CDH13: variants seen among roughly 807,000 people sequenced by gnomAD.
The protein encoded by CDH13 is cadherin 13.
Under a neutral mutation model 63.8 loss-of-function variants are expected in CDH13, and 24 were observed. That is an observed-to-expected ratio of 0.38 (90% CI 0.27 to 0.53). The LOEUF is 0.53. CDH13 is among the 20% of genes least tolerant of loss of function. The pLI, the probability that CDH13 is intolerant of heterozygous loss-of-function variation, is 0.85. For missense variants in CDH13, 1,049 were observed against 903.1 expected (o/e 1.16, Z -2.07); for synonymous variants, 503 against 355.3 (o/e 1.42, Z -4.67).
chr16:82,745,876 G>C (rs2034140354), intron 1 of CDH13, among the ~76,000 whole-genome samples: 1 of 152,112 alleles, frequency 6.6e-6, no homozygotes, highest in Non-Finnish European at 1.5e-5. Flanking sequence ...TTTACTTCCA[G>C]AAAATAATTT....
At chr16:83,259,189 T>C (rs66815080) in intron 5 of CDH13, among the ~76,000 whole-genome samples, 16,437 of 152,158 alleles carry the variant, frequency 0.11, 965 homozygotes, top group Non-Finnish European at 0.11. Flanking sequence ...GTAAGATTGA[T>C]ATAAACCTTA....
intron 5 of CDH13, among the ~76,000 whole-genome samples, chr16:83,295,235 G>A (rs1376142332): frequency 1.3e-5 from 2 of 152,074 alleles, no homozygotes; most frequent in Non-Finnish European, 2.9e-5. Flanking sequence ...AACTCAAAAT[G>A]AAATAAAGAT....
At chr16:82,917,182 G>T (rs906752216) in intron 2 of CDH13, among the ~76,000 whole-genome samples, 1 of 152,174 alleles carries the variant, frequency 6.6e-6, no homozygotes, top group African/African-American at 2.4e-5. Flanking sequence ...TAAGAGAGAA[G>T]AAAGGACCGC....
chr16:83,433,089 A>G (rs2072176213), intron 6 of CDH13, among the ~76,000 whole-genome samples: 1 of 152,184 alleles, frequency 6.6e-6, no homozygotes, highest in South Asian at 2.1e-4. Context: ...TGAGAGGCAC[A>G]GAGAAGCCAT....
intron 3 of CDH13, among the ~76,000 whole-genome samples, chr16:83,070,079 C>G (rs556308694): frequency 6.6e-6 from 1 of 152,084 alleles, no homozygotes; most frequent in African/African-American, 2.4e-5. Flanking sequence ...ATTGTTTTCA[C>G]CTAAAATATC....
At chr16:83,283,996 A>G (rs998298399) in intron 5 of CDH13, among the ~76,000 whole-genome samples, 1 of 152,216 alleles carries the variant, frequency 6.6e-6, no homozygotes, top group Admixed American at 6.5e-5. Context: ...ATGAGGATAG[A>G]CATGTATCTT....
At chr16:83,602,340 C>G in intron 7 of CDH13, 114 bp from the exon 8 acceptor site, 1 of 989,162 alleles carries the variant, frequency 1.0e-6, no homozygotes, top group Non-Finnish European at 1.6e-6. Context: ...TTTAAAGATG[C>G]CTACCCTAGA....
chr16:83,098,252 G>C (rs9922974), intron 3 of CDH13, among the ~76,000 whole-genome samples: 1 of 152,088 alleles, frequency 6.6e-6, no homozygotes, highest in Non-Finnish European at 1.5e-5. Context: ...TTCATATATG[G>C]TATAAGAACC....
At chr16:83,327,190 G>A (rs537482268) in intron 5 of CDH13, among the ~76,000 whole-genome samples, 1 of 152,174 alleles carries the variant, frequency 6.6e-6, no homozygotes, top group Non-Finnish European at 1.5e-5. Context: ...ATGCTTATTA[G>A]TAATACACGT....
At chr16:83,374,695 T>C (rs2091430358) in intron 6 of CDH13, among the ~76,000 whole-genome samples, 1 of 152,230 alleles carries the variant, frequency 6.6e-6, no homozygotes, top group African/African-American at 2.4e-5. Context: ...TAGCATTTGT[T>C]ATTATGAAAG....
intron 2 of CDH13, among the ~76,000 whole-genome samples, chr16:82,948,244 C>T: frequency 6.6e-6 from 1 of 152,082 alleles, no homozygotes; most frequent in Non-Finnish European, 1.5e-5. Context: ...AATTTTTAAG[C>T]CACAAGGTTG....
chr16:82,658,614 C>T (rs1911571916), intron 1 of CDH13, among the ~76,000 whole-genome samples: 1 of 152,168 alleles, frequency 6.6e-6, no homozygotes, highest in Admixed American at 6.5e-5. Flanking sequence ...GTTTTCACAT[C>T]TGTAAAATTA....
chr16:83,165,372 C>T (rs758674060), intron 4 of CDH13, among the ~76,000 whole-genome samples: 2 of 152,146 alleles, frequency 1.3e-5, no homozygotes, highest in Non-Finnish European at 2.9e-5. Context: ...TTTGTTGTAG[C>T]AAGAGGCTGG....
At chr16:82,770,744 G>C (rs1336528713) in intron 1 of CDH13, among the ~76,000 whole-genome samples, 1 of 152,118 alleles carries the variant, frequency 6.6e-6, no homozygotes, top group Admixed American at 6.6e-5. Context: ...GTCTCAGTCT[G>C]TTGCCCAAGC....
chr16:83,078,479 C>T (rs2033010319), intron 3 of CDH13, among the ~76,000 whole-genome samples: 1 of 152,198 alleles, frequency 6.6e-6, no homozygotes, highest in Admixed American at 6.5e-5. Context: ...CTTTGTACTC[C>T]TATAAGAGTC....
At chr16:83,463,954 C>G (rs1347373297) in intron 6 of CDH13, among the ~76,000 whole-genome samples, 5 of 152,160 alleles carry the variant, frequency 3.3e-5, no homozygotes, top group African/African-American at 9.7e-5. Flanking sequence ...GTTGACAGCA[C>G]TAAGGACCAC....
At chr16:83,112,457 C>T (rs1324695959) in intron 3 of CDH13, among the ~76,000 whole-genome samples, 1 of 152,192 alleles carries the variant, frequency 6.6e-6, no homozygotes, top group African/African-American at 2.4e-5. Context: ...TATGTGTATA[C>T]ACAGGTGGTA....
chr16:83,384,404 A>G (rs1316317184), intron 6 of CDH13, among the ~76,000 whole-genome samples: 1 of 152,172 alleles, frequency 6.6e-6, no homozygotes. Flanking sequence ...AAAGAAGGAA[A>G]TAGACTACCG....
At chr16:83,509,658 C>A (rs941641599) in intron 7 of CDH13, among the ~76,000 whole-genome samples, 2 of 152,034 alleles carry the variant, frequency 1.3e-5, no homozygotes, top group Non-Finnish European at 2.9e-5. Flanking sequence ...CATATAAAGG[C>A]AAAGAGTGGG....
Sources: gnomAD v4.1 joint callset for allele counts (sites outside exome capture counted in the v4.1 genomes callset) on GRCh38, gnomAD v4.1.1 for gene constraint, MANE v1.5 for transcripts, NCBI Gene and HGNC (gene_info 2026-07-23, HGNC 2026-07-21) for gene names.